The following LZIC variants were observed in gnomAD, a reference collection of about 807,000 sequenced individuals.
LZIC encodes the protein protein LZIC.
In LZIC, 28 loss-of-function variants were observed where a neutral mutation model predicts 25.4. The ratio of observed to expected loss-of-function variants is 1.10; its 90% CI spans 0.82 to 1.51. The LOEUF (loss-of-function observed/expected upper bound fraction) is 1.51. Among genes scored for constraint, LZIC ranks in the 40% most tolerant of loss-of-function variants. The probability of loss-of-function intolerance (pLI) is 0.00; values close to 1 mark genes in which losing one functional copy is unlikely to be tolerated. For missense variants in LZIC, 170 were observed against 211.1 expected, an observed-to-expected ratio of 0.81 and a Z score of 1.21; for synonymous variants, 65 against 70.7, an observed-to-expected ratio of 0.92 and a Z score of 0.40.
rs977624530 is a variant in LZIC at position 9,943,350 on chromosome 1, T to A, written c.-269A>T. ...TTTAGGGCCAGGGGCCCCGCCTACC[T>A]GAGGGCACTGGCCTGGCGGACCGCG... On this transcript the variant is annotated 5_prime_UTR_variant, in exon 1 of 8. Coordinates refer to ENST00000377223, the MANE Select transcript of LZIC (RefSeq NM_032368.5). The A allele has an allele frequency of 3.3e-5, 5 of 152,942 alleles. No homozygotes were observed. Among genetic ancestry groups the A allele is most frequent in the African/African-American group, 9.6e-5 (4 of 41,466 alleles). 9.5% of individuals were successfully genotyped at this position (152,942 alleles called of 1,614,324 possible).
chr1:9,928,563 A>G lies in LZIC; in HGVS notation c.*1836T>C, dbSNP rs887986996. ...AAGGAATAAAGTACTGATACATGCTATAATGTTGGTTAAACTTGAAAATAT... is the reference window on the plus strand; with the variant it reads ...AAGGAATAAAGTACTGATACATGCTGTAATGTTGGTTAAACTTGAAAATAT... On this transcript the variant is annotated 3_prime_UTR_variant, in exon 8 of 8. Coordinates refer to ENST00000377223, the MANE Select transcript of LZIC (RefSeq NM_032368.5). 1.3e-5 allele frequency among the ~76,000 whole-genome samples: 2 copies of G among 152,194 alleles called. No homozygotes were observed. Among genetic ancestry groups the G allele is most frequent in the Non-Finnish European group, 2.9e-5 (2 of 68,030 alleles).
At chr1:9,937,847 C>CAAAAAA (rs34452687) in intron 2 of LZIC, among the ~76,000 whole-genome samples, 42 of 52,690 alleles carry the variant, frequency 8.0e-4, no homozygotes, top group Middle Eastern at 0.013. Context: ...GACCCTGACT[C>CAAAAAA]AAAAAAAAAA....
intron 2 of LZIC, among the ~76,000 whole-genome samples, chr1:9,941,979 C>T (rs1431305938): frequency 5.3e-5 from 8 of 152,002 alleles, no homozygotes; most frequent in South Asian, 4.1e-4. Context: ...TGCAGTGGCG[C>T]GATCTCGGCT....
chr1:9,924,758 G>A (rs1279084519), downstream of LZIC, among the ~76,000 whole-genome samples: 1 of 152,018 alleles, frequency 6.6e-6, no homozygotes, highest in East Asian at 1.9e-4. Context: ...TAATGTTGGG[G>A]AAAAAACAAC....
At chr1:9,931,614 G>A (rs1369274149) in intron 7 of LZIC, among the ~76,000 whole-genome samples, 1 of 152,190 alleles carries the variant, frequency 6.6e-6, no homozygotes, top group Non-Finnish European at 1.5e-5. Flanking sequence ...ATGTTGCCCA[G>A]GCTGGTCTAG....
intron 2 of LZIC, among the ~76,000 whole-genome samples, chr1:9,938,244 T>G (rs1640546868): frequency 6.6e-6 from 1 of 152,152 alleles, no homozygotes; most frequent in Non-Finnish European, 1.5e-5. Flanking sequence ...CATAGCTCAC[T>G]ATAGCCTCAA....
chr1:9,929,363 G>C lies in LZIC; in HGVS notation c.*1036C>G, dbSNP rs1417248036. ...CACATGAAAGAATATAAAATGGCTA[G>C]AGCCTAAAAAATAAGCTAATATACA... is the stretch of plus-strand genomic sequence containing the variant. On this transcript the variant is annotated 3_prime_UTR_variant, in exon 8 of 8. Transcript: ENST00000377223. The C allele has an allele frequency of 4.1e-6, 4 of 984,834 alleles. No individual in the cohort carries two copies. In the African/African-American group the frequency reaches 7.0e-5, roughly 17 times the overall value. The allele number at this position is 984,834 out of a possible 1,614,324, so 61.0% of individuals were successfully genotyped here.
intron 2 of LZIC, 121 bp downstream of exon 2, chr1:9,942,503 A>C (rs1640802756): frequency 8.9e-6 from 3 of 335,440 alleles, no homozygotes; most frequent in Non-Finnish European, 1.7e-5. Context: ...TATCCCCGAA[A>C]GATTAACTCG....
Position 9,932,109 on chromosome 1 carries a change from G to GAT in LZIC, c.433-138_433-137insAT, listed in dbSNP as rs1557436935. Reference sequence around the variant, plus strand: ...CTGCACTTTGGGAGGCGTGGGGGGGGGGGGGGGGTGGATCACATGAGGTCA... The same window carrying GAT: ...CTGCACTTTGGGAGGCGTGGGGGGGGATGGGGGGGGTGGATCACATGAGGTCA... On this transcript the variant is annotated intron_variant, in intron 6 of 7. Transcript: ENST00000377223. The GAT allele has an allele frequency of 7.8e-6, 4 of 510,908 alleles. 1 individual carries two copies. In the African/African-American group the frequency reaches 8.0e-5, roughly 10 times the overall value. The allele number at this position is 510,908 out of a possible 1,614,324, so 31.6% of individuals were successfully genotyped here.
Position 9,935,572 on chromosome 1 carries a change from G to A in LZIC, c.157C>T (p.Leu53=). The A allele has an allele frequency of 4.3e-6, 7 of 1,611,196 alleles. No individual in the cohort carries two copies. The highest frequency in any genetic ancestry group is 8.5e-7 in the Non-Finnish European group (1 of 1,178,668). The change falls in exon 4 of 8, where the codon CTA becomes TTA. Residue 53 remains leucine (L), a synonymous_variant. Coordinates refer to ENST00000377223, the MANE Select transcript of LZIC (RefSeq NM_032368.5). ...EETKKETLEQ[L]SEFNDSLKKI... ...TTTAGTGAATCATTAAATTCACTTA[G>A]TTGCTCCAGAGTTTCCTTTTTGGTT... is the stretch of plus-strand genomic sequence containing the variant.
In LZIC at chr1:9,928,846, A is replaced by G. The variant is rs533151376; in HGVS notation, c.*1553T>C. The G allele has an allele frequency of 4.0e-5, 6 of 149,712 alleles. 1 individual carries two copies. In the South Asian group the frequency reaches 8.6e-4, roughly 21 times the overall value. The allele number at this position is 149,712 out of a possible 1,614,324, so 9.3% of individuals were successfully genotyped here. A position where few individuals can be genotyped will look rare whatever the true frequency, so the allele number is the denominator to read the frequency against. ...GCGCCATTGCACTCCAGCCTGGGCAATAAGAGTAAAACTCTGTCTCAAAAA... is the reference window on the plus strand; with the variant it reads ...GCGCCATTGCACTCCAGCCTGGGCAGTAAGAGTAAAACTCTGTCTCAAAAA... On this transcript the variant is annotated 3_prime_UTR_variant, in exon 8 of 8. Coordinates refer to ENST00000377223, the MANE Select transcript of LZIC (RefSeq NM_032368.5).
At chr1:9,934,621 T>C in intron 5 of LZIC, 141 bp downstream of exon 5, 1 of 714,408 alleles carries the variant, frequency 1.4e-6, no homozygotes, top group South Asian at 1.7e-5. Context: ...CTATAATTGC[T>C]CAAAGTACTA....
At position 9,930,417 on chromosome 1, in the gene LZIC, A is replaced by G; in HGVS notation, c.555T>C (p.Val185=). ...DKILALASFE[V]EKTKK is the part of the protein sequence containing the mutation. ...CACCATGTCATTTTTTTGTTTTTTC[A>G]ACCTCAAAACTTGCCAGAGCAAGAA... The change falls in exon 8 of 8, where the codon GTT becomes GTC. Residue 185 remains valine, a synonymous_variant. Transcript: ENST00000377223. 1.2e-6 allele frequency: 2 copies of G among 1,613,708 alleles called. No homozygotes were observed. Among genetic ancestry groups the G allele is most frequent in the Non-Finnish European group, 8.5e-7 (1 of 1,179,798 alleles).
chr1:9,941,009 C>T (rs951984179), intron 2 of LZIC, among the ~76,000 whole-genome samples: 2 of 152,064 alleles, frequency 1.3e-5, no homozygotes, highest in Non-Finnish European at 2.9e-5. Context: ...CTTGCTGTTC[C>T]AAAAATGTCA....
Position 9,929,602 on chromosome 1 carries a change from G to A in LZIC, c.*797C>T. Reference sequence around the variant, plus strand: ...GTTGCTTCCCTGGTCAAACAACGCAGGCGGCTAAGTCACTTTAGGAAACGC... The same window carrying A: ...GTTGCTTCCCTGGTCAAACAACGCAAGCGGCTAAGTCACTTTAGGAAACGC... On this transcript the variant is annotated 3_prime_UTR_variant, in exon 8 of 8. Coordinates refer to ENST00000377223, the MANE Select transcript of LZIC (RefSeq NM_032368.5). 1 of 985,360 alleles carries A rather than the reference G, an allele frequency of 1.0e-6. No individual in the cohort carries two copies. Among genetic ancestry groups the A allele is most frequent in the Non-Finnish European group, 1.2e-6 (1 of 829,928 alleles). The allele number at this position is 985,360 out of a possible 1,614,324, so 61.0% of individuals were successfully genotyped here. A position where few individuals can be genotyped will look rare whatever the true frequency, so the allele number is the denominator to read the frequency against.
At chr1:9,924,297 A>C (rs1220009295), downstream of LZIC, among the ~76,000 whole-genome samples, 2 of 152,168 alleles carry the variant, frequency 1.3e-5, no homozygotes, top group Non-Finnish European at 2.9e-5. Context: ...AAAACACTTA[A>C]TTGTCTTATT....
intron 5 of LZIC, among the ~76,000 whole-genome samples, chr1:9,933,599 G>C (rs1436279379): frequency 1.3e-5 from 2 of 152,000 alleles, no homozygotes; most frequent in Admixed American, 6.6e-5. Context: ...TAGGCACAAA[G>C]GGGATGAATA....
rs1640570857 is a variant in LZIC at position 9,938,905 on chromosome 1, G to A, written c.-8-2278C>T. The stretch of plus-strand genomic sequence containing the variant: ...GCAACATTTTTTGTTATGCTTTGAA[G>A]TAGGGGTCTAACTTTCCTTTCAAAA... On this transcript the variant is annotated intron_variant, in intron 2 of 7. Transcript: ENST00000377223. 1.3e-5 allele frequency among the ~76,000 whole-genome samples: 2 copies of A among 152,192 alleles called. 1 individual carries two copies. The highest frequency in any genetic ancestry group is 4.8e-5 in the African/African-American group (2 of 41,468).
intron 5 of LZIC, among the ~76,000 whole-genome samples, chr1:9,933,283 A>T (rs1767272): frequency 0.27 from 14,200 of 52,672 alleles, 1,234 homozygotes; most frequent in Non-Finnish European, 0.37. Flanking sequence ...AAAAAAAAAA[A>T]ATATATATAT....
Sources: gnomAD v4.1 joint callset for allele counts (sites outside exome capture counted in the v4.1 genomes callset) on GRCh38, gnomAD v4.1.1 for gene constraint, MANE v1.5 for transcripts, NCBI Gene and HGNC (gene_info 2026-07-23, HGNC 2026-07-21) for gene names.